Variants in PTPRD observed in about 807,000 individuals in gnomAD.
The protein encoded by PTPRD is receptor-type tyrosine-protein phosphatase delta.
PTPRD carries 34 observed loss-of-function variants against 214.5 expected under a neutral mutation model. That is an observed-to-expected ratio of 0.16 (90% CI 0.12 to 0.21). The LOEUF is 0.21. Ranked by LOEUF, PTPRD falls within the 10% of genes least tolerant of loss-of-function variation. PTPRD has a pLI of 1.00. For synonymous variants in PTPRD, 1,128 were observed against 845.7 expected (o/e 1.33, Z -5.79); for missense variants, 2,545 against 2,398.7 (o/e 1.06, Z -1.27).
intron 8 of PTPRD, among the ~76,000 whole-genome samples, chr9:9,422,638 C>T (rs746354988): frequency 3.1e-4 from 47 of 152,186 alleles, no homozygotes; most frequent in Non-Finnish European, 6.0e-4. Flanking sequence ...GTCAGATAGA[C>T]GCTGCCACCA....
intron 3 of PTPRD, among the ~76,000 whole-genome samples, chr9:10,167,479 C>A (rs1343200246): frequency 6.6e-6 from 1 of 152,126 alleles, no homozygotes; most frequent in South Asian, 2.1e-4. Context: ...AGGAGATCCA[C>A]AGTCCTCTTC....
At chr9:8,941,405 AC>A (rs1463879481) in intron 11 of PTPRD, among the ~76,000 whole-genome samples, 6 of 152,142 alleles carry the variant, frequency 3.9e-5, no homozygotes, top group African/African-American at 1.4e-4. Context: ...TAATTTTATA[AC>A]ATATGTGTGT....
intron 2 of PTPRD, among the ~76,000 whole-genome samples, chr9:10,539,767 T>G (rs975420304): frequency 6.6e-6 from 1 of 152,190 alleles, no homozygotes; most frequent in Non-Finnish European, 1.5e-5. Context: ...AGATCCGCTT[T>G]GGAGGCGGAC....
At chr9:10,315,832 T>C (rs73644414) in intron 3 of PTPRD, among the ~76,000 whole-genome samples, 1,891 of 151,878 alleles carry the variant, frequency 0.012, 45 homozygotes, top group African/African-American at 0.043. Flanking sequence ...GAGTGGCTCA[T>C]TTGTTAGTTG....
chr9:10,255,432 A>G (rs550004895), intron 3 of PTPRD, among the ~76,000 whole-genome samples: 59 of 152,314 alleles, frequency 3.9e-4, no homozygotes, highest in African/African-American at 1.4e-3. Flanking sequence ...AAACACAGAA[A>G]AGGTACAATA....
intron 2 of PTPRD, among the ~76,000 whole-genome samples, chr9:10,431,864 G>A (rs1263718563): frequency 6.6e-6 from 1 of 152,050 alleles, no homozygotes; most frequent in African/African-American, 2.4e-5. Context: ...CAACCATTGT[G>A]GAAGACAGTG....
intron 11 of PTPRD, among the ~76,000 whole-genome samples, chr9:8,962,542 G>GAC (rs372601641): frequency 2.5e-4 from 38 of 151,892 alleles, no homozygotes; most frequent in Middle Eastern, 3.4e-3. Context: ...GAGAGAAAGA[G>GAC]AGAGAGAGAG....
intron 3 of PTPRD, among the ~76,000 whole-genome samples, chr9:10,138,999 C>T (rs2098962609): frequency 6.6e-6 from 1 of 152,018 alleles, no homozygotes; most frequent in African/African-American, 2.4e-5. Flanking sequence ...GATGCCCACT[C>T]TCACCGCTGC....
At chr9:9,001,680 T>C (rs183356431) in intron 11 of PTPRD, among the ~76,000 whole-genome samples, 26 of 152,144 alleles carry the variant, frequency 1.7e-4, no homozygotes, top group Admixed American at 1.6e-3. Flanking sequence ...CATTGTGAGC[T>C]ACATTGCTGC....
At chr9:9,608,319 C>A (rs1052565430) in intron 7 of PTPRD, among the ~76,000 whole-genome samples, 11 of 152,044 alleles carry the variant, frequency 7.2e-5, no homozygotes, top group Non-Finnish European at 1.3e-4. Flanking sequence ...AATTTTAAAG[C>A]CTCTGGTGCA....
intron 11 of PTPRD, among the ~76,000 whole-genome samples, chr9:8,770,215 G>A (rs932095470): frequency 5.3e-5 from 8 of 151,988 alleles, no homozygotes; most frequent in Non-Finnish European, 7.4e-5. Context: ...CGGGAGAAGT[G>A]GAGGTTGCAG....
chr9:9,226,386 CCTAT>C (rs1462648533), intron 9 of PTPRD, among the ~76,000 whole-genome samples: 1 of 151,650 alleles, frequency 6.6e-6, no homozygotes, highest in Non-Finnish European at 1.5e-5. Flanking sequence ...TATCTTAATC[CCTAT>C]CTATCTCAGA....
chr9:8,944,857 G>C (rs1340455878), intron 11 of PTPRD, among the ~76,000 whole-genome samples: 1 of 151,956 alleles, frequency 6.6e-6, no homozygotes, highest in Non-Finnish European at 1.5e-5. Flanking sequence ...ACTACAGTCA[G>C]CGATAATTTG....
At position 8,538,668 on chromosome 9, in the gene PTPRD, TA is replaced by T. The variant is rs531496811; in HGVS notation, c.353-9890del. On this transcript the variant is annotated intron_variant, in intron 14 of 45. Transcript: ENST00000381196. The stretch of plus-strand genomic sequence containing the variant: ...ATACATATACTATACATATTTTAAA[TA>T]TATATGTATACATATATATATGACT... 1.8e-4 allele frequency among the ~76,000 whole-genome samples: 27 copies of T among 151,408 alleles called. No homozygotes were observed. In the South Asian group the frequency reaches 3.7e-3, roughly 21 times the overall value.
chr9:9,128,083 T>C (rs1377981380), intron 10 of PTPRD, among the ~76,000 whole-genome samples: 1 of 152,226 alleles, frequency 6.6e-6, no homozygotes, highest in East Asian at 1.9e-4. Context: ...GCATGACAAG[T>C]ATTTTTATAT....
At chr9:9,327,892 T>C (rs1419551444) in intron 9 of PTPRD, among the ~76,000 whole-genome samples, 4 of 134,584 alleles carry the variant, frequency 3.0e-5, no homozygotes, top group African/African-American at 8.3e-5. Context: ...ACACTAACGA[T>C]AGTTGATGAG....
chr9:9,140,656 G>T (rs1415196188), intron 10 of PTPRD, among the ~76,000 whole-genome samples: 1 of 152,202 alleles, frequency 6.6e-6, no homozygotes, highest in Non-Finnish European at 1.5e-5. Context: ...TCGGCTCACT[G>T]CAGGCTTCGC....
chr9:8,753,863 G>A (rs747615020), intron 11 of PTPRD, among the ~76,000 whole-genome samples: 13 of 152,134 alleles, frequency 8.5e-5, no homozygotes, highest in Non-Finnish European at 1.8e-4. Context: ...CATTATTGTA[G>A]GCCAGGCATG....
chr9:10,556,585 G>A lies in PTPRD; in HGVS notation c.-600+55813C>T, dbSNP rs544855815. Among the ~76,000 whole-genome samples the A allele has an allele frequency of 2.7e-4, 41 of 152,102 alleles. No individual in the cohort carries two copies. The South Asian group carries it at 8.3e-3, about 31-fold the overall frequency. On this transcript the variant is annotated intron_variant, in intron 2 of 45. Coordinates refer to ENST00000381196, the MANE Select transcript of PTPRD (RefSeq NM_002839.4). ...GTCCTTAATAATTGTTACTTTTCCTGTTTTTAATCCCTAGGCTCAAATTTT... is the reference window on the plus strand; with the variant it reads ...GTCCTTAATAATTGTTACTTTTCCTATTTTTAATCCCTAGGCTCAAATTTT...
Sources: allele counts gnomAD v4.1 joint callset (sites outside exome capture counted in the v4.1 genomes callset), GRCh38; gene constraint gnomAD v4.1.1; transcripts MANE v1.5; gene names NCBI Gene and HGNC (gene_info 2026-07-23, HGNC 2026-07-21).